KIAA1549L: variants seen among roughly 807,000 people sequenced by gnomAD.
KIAA1549L encodes the protein UPF0606 protein KIAA1549L.
In KIAA1549L, 88 loss-of-function variants were observed where a neutral mutation model predicts 160.7. The ratio of observed to expected loss-of-function variants is 0.55; its 90% CI spans 0.46 to 0.65. The LOEUF (loss-of-function observed/expected upper bound fraction) is 0.65. Among genes scored for constraint, KIAA1549L ranks in the 30% least tolerant of loss-of-function variants. KIAA1549L has a pLI of 0.00. For synonymous variants in KIAA1549L, 950 were observed against 976.7 expected (o/e 0.97, Z 0.51); for missense variants, 2,258 against 2,437.5 (o/e 0.93, Z 1.55).
At position 33,645,979 on chromosome 11, in the gene KIAA1549L, G is replaced by C. The variant is rs891804276; in HGVS notation, c.5703G>C (p.Gly1901=). 2 of 1,609,884 alleles carry C rather than the reference G, an allele frequency of 1.2e-6. No homozygotes were observed. The highest frequency in any genetic ancestry group is 3.4e-5 in the Admixed American group (2 of 59,386). ...GGACCATGACGCGGCCCAGGGCCGG[G>C]GTGCAGTGGGTGCCGACCTACCGCC... ...APGTMTRPRA[G]VQWVPTYRPE... is the part of the protein sequence containing the mutation. Residue 1901 remains glycine, a synonymous_variant, in exon 17 of 21, where the codon GGG becomes GGC. Transcript: ENST00000658780.
chr11:33,511,153 G>A (rs961313937), intron 1 of KIAA1549L, among the ~76,000 whole-genome samples: 7 of 152,200 alleles, frequency 4.6e-5, no homozygotes, highest in Non-Finnish European at 1.0e-4. Context: ...TTCTGTAGCT[G>A]CTGTTTCTCC....
chr11:33,649,610 G>A (rs987832832), intron 17 of KIAA1549L, among the ~76,000 whole-genome samples: 2 of 151,696 alleles, frequency 1.3e-5, no homozygotes, highest in African/African-American at 4.8e-5. Flanking sequence ...TCTCCATTAG[G>A]GTAAAATTGG....
chr11:33,456,492 C>A (rs1366169028), intron 1 of KIAA1549L, among the ~76,000 whole-genome samples: 8 of 152,040 alleles, frequency 5.3e-5, no homozygotes, highest in Non-Finnish European at 1.2e-4. Context: ...CTCACTGCAA[C>A]CTTGACCTTC....
intron 16 of KIAA1549L, among the ~76,000 whole-genome samples, chr11:33,624,302 C>T (rs1851037255): frequency 6.6e-6 from 1 of 152,198 alleles, no homozygotes; most frequent in African/African-American, 2.4e-5. Flanking sequence ...TGACAGCTGG[C>T]AGTGTGCCCA....
At chr11:33,497,117 C>T (rs1202332651) in intron 1 of KIAA1549L, among the ~76,000 whole-genome samples, 1 of 152,172 alleles carries the variant, frequency 6.6e-6, no homozygotes, top group Non-Finnish European at 1.5e-5. Flanking sequence ...CTGGCACTCC[C>T]CAGCACCTCA....
chr11:33,636,350 T>C (rs1353439162), intron 16 of KIAA1549L, among the ~76,000 whole-genome samples: 1 of 25,470 alleles, frequency 3.9e-5, no homozygotes, highest in Non-Finnish European at 9.3e-5. Context: ...ATGAATCTTC[T>C]TTTTTTTTTT....
chr11:33,658,770 G>A lies in KIAA1549L; in HGVS notation c.5879G>A (p.Ser1960Asn), dbSNP rs868739563. The stretch of plus-strand genomic sequence containing the variant: ...TCTAGATCCACCTCAGACATCGGCA[G>A]CAAGACCAGAATGGCCGAGTCTACA... ...SLRRSTSDIG[S>N]KTRMAESTGP... Residue 1960 changes from serine to asparagine, a missense_variant, in exon 19 of 21, where the codon AGC becomes AAC. Physicochemically the swap from Ser to Asn is conservative, Grantham distance 46. Around this residue, in one of 6 missense-constraint regions of KIAA1549L, gnomAD observed 1,359 missense variants for 1,546.6 expected, o/e 0.88. Coordinates refer to ENST00000658780, the MANE Select transcript of KIAA1549L (RefSeq NM_012194.3). The A allele has an allele frequency of 6.4e-7, 1 of 1,572,888 alleles. No individual in the cohort carries two copies. The highest frequency in any genetic ancestry group is 8.6e-7 in the Non-Finnish European group (1 of 1,160,022).
intron 1 of KIAA1549L, among the ~76,000 whole-genome samples, chr11:33,378,831 A>G (rs962780967): frequency 3.3e-5 from 5 of 151,884 alleles, no homozygotes; most frequent in African/African-American, 4.8e-5. Flanking sequence ...CTTACCTCCT[A>G]TCTGCTCTCA....
intron 1 of KIAA1549L, among the ~76,000 whole-genome samples, chr11:33,530,436 A>AATATATATATATAT (rs869093534): frequency 3.4e-4 from 4 of 11,868 alleles, no homozygotes; most frequent in Non-Finnish European, 5.7e-4. Context: ...AAAAAAAAAA[A>AATATATATATATAT]ATATATATAT....
At chr11:33,432,444 T>A (rs567419549) in intron 1 of KIAA1549L, among the ~76,000 whole-genome samples, 81 of 152,250 alleles carry the variant, frequency 5.3e-4, no homozygotes, top group Non-Finnish European at 1.0e-3. Context: ...TATGGGTTTT[T>A]TTTTCTTGTA....
At chr11:33,413,438 TAAAAA>T (rs11342768) in intron 1 of KIAA1549L, among the ~76,000 whole-genome samples, 2 of 139,628 alleles carry the variant, frequency 1.4e-5, no homozygotes, top group Non-Finnish European at 3.1e-5. Context: ...ACCCTGTCTT[TAAAAA>T]AAAAAAAAAA....
chr11:33,439,652 C>T (rs1034490360), intron 1 of KIAA1549L, among the ~76,000 whole-genome samples: 4 of 151,042 alleles, frequency 2.6e-5, no homozygotes. Context: ...ACCTCGTGAT[C>T]CGCCTGCCTT....
intron 3 of KIAA1549L, among the ~76,000 whole-genome samples, chr11:33,546,143 A>G (rs1395500984): frequency 3.9e-5 from 6 of 152,222 alleles, no homozygotes; most frequent in African/African-American, 9.6e-5. Context: ...TAGACAAATT[A>G]TTTGAAAGAG....
At chr11:33,524,506 G>A (rs1361908550) in intron 1 of KIAA1549L, among the ~76,000 whole-genome samples, 1 of 77,794 alleles carries the variant, frequency 1.3e-5, no homozygotes, top group African/African-American at 1.1e-4. Context: ...TTTTTGAGGC[G>A]AGAGGAATTT....
chr11:33,514,499 A>C (rs1045991392), intron 1 of KIAA1549L, among the ~76,000 whole-genome samples: 1 of 152,214 alleles, frequency 6.6e-6, no homozygotes, highest in Non-Finnish European at 1.5e-5. Context: ...TTCCTACAAA[A>C]GTTCTTTGTC....
At position 33,551,267 on chromosome 11, in the gene KIAA1549L, A is replaced by C; in HGVS notation, c.3721+8A>C. The stretch of plus-strand genomic sequence containing the variant: ...ACTTCCAGCTAAAAACAGGCAAGTG[A>C]CTCGGAAGGAAGGGATTTTCATCCA... On this transcript the variant is annotated splice_region_variant and intron_variant, in intron 5 of 20. Coordinates refer to ENST00000658780, the MANE Select transcript of KIAA1549L (RefSeq NM_012194.3). 1 of 1,609,656 alleles carries C rather than the reference A, an allele frequency of 6.2e-7. No individual in the cohort carries two copies. The highest frequency in any genetic ancestry group is 8.5e-7 in the Non-Finnish European group (1 of 1,177,794).
intron 1 of KIAA1549L, among the ~76,000 whole-genome samples, chr11:33,401,297 A>C (rs958389824): frequency 3.4e-5 from 5 of 148,014 alleles, no homozygotes; most frequent in Non-Finnish European, 7.4e-5. Context: ...TTATATATAA[A>C]ATATATAATA....
At chr11:33,394,400 A>C (rs1450490503) in intron 1 of KIAA1549L, among the ~76,000 whole-genome samples, 1 of 77,180 alleles carries the variant, frequency 1.3e-5, no homozygotes, top group East Asian at 3.1e-4. Flanking sequence ...ATAATAAATA[A>C]ATAAATAAAT....
chr11:33,596,074 G>A (rs899908660), intron 12 of KIAA1549L, among the ~76,000 whole-genome samples: 1 of 152,136 alleles, frequency 6.6e-6, no homozygotes, highest in Non-Finnish European at 1.5e-5. Flanking sequence ...GCCATGTTCG[G>A]CAGTTGATTA....
Sources: gnomAD v4.1 joint callset for allele counts (sites outside exome capture counted in the v4.1 genomes callset) on GRCh38, gnomAD v4.1.1 for gene constraint, gnomAD v4.1.1 regional missense constraint, MANE v1.5 for transcripts, NCBI Gene and HGNC (gene_info 2026-07-23, HGNC 2026-07-21) for gene names.